The following CTBP2 variants were observed in gnomAD, a reference collection of about 807,000 sequenced individuals.
CTBP2 encodes the protein C-terminal-binding protein 2.
Under a neutral mutation model 80.3 loss-of-function variants are expected in CTBP2, and 30 were observed. The observed-to-expected ratio is 0.37, with a 90% CI of 0.28 to 0.51. The LOEUF (loss-of-function observed/expected upper bound fraction) is 0.51, where lower values mean the gene tolerates loss of function less well. Ranked by LOEUF, CTBP2 falls within the 20% of genes least tolerant of loss-of-function variation. CTBP2 has a pLI of 0.93. For missense variants in CTBP2, 1,212 were observed against 1,375.3 expected (o/e 0.88, Z 1.88); for synonymous variants, 594 against 587.4 (o/e 1.01, Z -0.16).
intron 5 of CTBP2, 44 bp downstream of exon 7, chr10:124,994,425 C>G: frequency 6.3e-7 from 1 of 1,593,014 alleles, no homozygotes; most frequent in East Asian, 2.2e-5. Context: ...GCAAGTGCTA[C>G]CACCTTTCGA....
At chr10:125,161,060 C>T (rs924602580), upstream of CTBP2, 3 of 99,852 alleles carry the variant, frequency 3.0e-5, no homozygotes, top group African/African-American at 1.4e-4. Context: ...CTCCTCGCTC[C>T]TGTTTTTGGG....
chr10:124,993,217 G>A lies in CTBP2; in HGVS notation c.2644C>T (p.Arg882Cys), dbSNP rs763557494. 3.1e-6 allele frequency: 5 copies of A among 1,598,580 alleles called. No individual in the cohort carries two copies. Among genetic ancestry groups the A allele is most frequent in the South Asian group, 1.1e-5 (1 of 90,540 alleles). Residue 882 changes from arginine to cysteine, a missense_variant, in exon 7 of 9, where the codon CGC (arginine) becomes TGC (cysteine). Transcript: ENST00000309035. ...AGGGGCTCACCTGTGATGGCTCGGC[G>A]GATCTCGGTGGCAGCTGCCTCCCTC...
chr10:125,154,318 C>G (rs1415227186), intron 1 of CTBP2, among the ~76,000 whole-genome samples: 1 of 152,180 alleles, frequency 6.6e-6, no homozygotes, highest in Non-Finnish European at 1.5e-5. Context: ...AAAGGCAAGG[C>G]TGGCCACCAC....
intron 2 of CTBP2, among the ~76,000 whole-genome samples, chr10:125,041,504 A>AACCC (rs1959757919): frequency 1.1e-5 from 1 of 91,134 alleles, no homozygotes; most frequent in Non-Finnish European, 2.4e-5. Context: ...GTCCATCCCC[A>AACCC]CCCCCCCCCC....
intron 1 of CTBP2, among the ~76,000 whole-genome samples, chr10:125,112,414 T>C (rs1235443760): frequency 5.1e-5 from 7 of 135,928 alleles, no homozygotes; most frequent in Non-Finnish European, 9.4e-5. Context: ...CGCCCAGCCA[T>C]CATTCTACCT....
At chr10:125,019,641 C>T (rs1253734894) in intron 1 of CTBP2, among the ~76,000 whole-genome samples, 1 of 152,182 alleles carries the variant, frequency 6.6e-6, no homozygotes, top group Non-Finnish European at 1.5e-5. Flanking sequence ...CCCTACCTCA[C>T]ACCATATGCA....
intron 1 of CTBP2, among the ~76,000 whole-genome samples, chr10:125,130,292 C>A (rs989760543): frequency 6.6e-6 from 1 of 152,098 alleles, no homozygotes; most frequent in Non-Finnish European, 1.5e-5. Context: ...AGGTGATCCA[C>A]GCACCTCTGC....
intron 2 of CTBP2, among the ~76,000 whole-genome samples, chr10:125,081,968 C>A (rs1274392336): frequency 1.3e-5 from 2 of 152,030 alleles, no homozygotes; most frequent in Non-Finnish European, 2.9e-5. Context: ...TATCCAAACC[C>A]CAGGCCAGCA....
At chr10:125,141,778 A>C (rs754723187) in intron 1 of CTBP2, among the ~76,000 whole-genome samples, 30 of 152,322 alleles carry the variant, frequency 2.0e-4, no homozygotes, top group Non-Finnish European at 3.4e-4. Context: ...GCAAGCACAC[A>C]GTAAATACAC....
chr10:125,085,642 A>C lies in CTBP2; in HGVS notation c.-102+25348T>G, dbSNP rs115465069. Among the ~76,000 whole-genome samples, 645 of 152,354 alleles carry C rather than the reference A, an allele frequency of 4.2e-3. 4 individuals are homozygous for C. Among genetic ancestry groups the C allele is most frequent in the African/African-American group, 0.014 (586 of 41,582 alleles). The stretch of plus-strand genomic sequence containing the variant: ...GAACTTCCAGCCCAAAGCCTTCAGC[A>C]AATCACTCCATGGGGAAATCTAGTC... On this transcript the variant is annotated intron_variant, in intron 2 of 10. Transcript: ENST00000337195.
intron 2 of CTBP2, among the ~76,000 whole-genome samples, chr10:125,042,298 A>C (rs958590597): frequency 6.6e-6 from 1 of 152,204 alleles, no homozygotes; most frequent in Non-Finnish European, 1.5e-5. Flanking sequence ...AGCTGCACAC[A>C]GCGGCCTCCA....
chr10:125,114,222 C>T (rs868011136), intron 1 of CTBP2, among the ~76,000 whole-genome samples: 9 of 152,166 alleles, frequency 5.9e-5, no homozygotes, highest in Admixed American at 2.0e-4. Context: ...GTGTAACTGC[C>T]GGTCAGCATG....
At chr10:125,075,639 G>T (rs1480552587) in intron 2 of CTBP2, among the ~76,000 whole-genome samples, 1 of 152,178 alleles carries the variant, frequency 6.6e-6, no homozygotes, top group Non-Finnish European at 1.5e-5. Flanking sequence ...GCAATTTTTA[G>T]AACAGGCAAA....
intron 2 of CTBP2, among the ~76,000 whole-genome samples, chr10:125,095,961 C>T (rs1395789338): frequency 1.3e-5 from 2 of 152,146 alleles, no homozygotes; most frequent in East Asian, 3.9e-4. Context: ...TCTTCACCCC[C>T]TCGGCCCTAA....
intron 5 of CTBP2, 125 bp from the exon 8 acceptor site, chr10:124,994,110 G>A (rs1158318533): frequency 3.8e-6 from 5 of 1,330,438 alleles, no homozygotes; most frequent in Non-Finnish European, 3.1e-6. Flanking sequence ...GTGTGCTGCA[G>A]TTTGAGGGAA....
chr10:125,022,951 T>A (rs1455220680), intron 1 of CTBP2, among the ~76,000 whole-genome samples: 1 of 152,310 alleles, frequency 6.6e-6, no homozygotes, highest in Admixed American at 6.5e-5. Context: ...CAGATTCTGA[T>A]AGGGCTAAAA....
chr10:125,038,201 T>G (rs1283671874), intron 3 of CTBP2, among the ~76,000 whole-genome samples: 1 of 152,058 alleles, frequency 6.6e-6, no homozygotes, highest in East Asian at 1.9e-4. Context: ...GGAAGCCCTG[T>G]GGGTTGCATA....
At chr10:125,008,622 CA>C (rs1051255131) in intron 1 of CTBP2, among the ~76,000 whole-genome samples, 3 of 152,350 alleles carry the variant, frequency 2.0e-5, no homozygotes, top group South Asian at 4.1e-4. Flanking sequence ...GCAGGTCTTC[CA>C]AAGATCCCGA....
intron 1 of CTBP2, among the ~76,000 whole-genome samples, chr10:125,151,071 G>T (rs1173017613): frequency 2.0e-5 from 3 of 152,068 alleles, no homozygotes; most frequent in Admixed American, 2.0e-4. Context: ...GCGAGCTAGT[G>T]CCAGACACTA....
Sources: allele counts gnomAD v4.1 joint callset (sites outside exome capture counted in the v4.1 genomes callset), GRCh38; gene constraint gnomAD v4.1.1; transcripts MANE v1.5; gene names NCBI Gene and HGNC (gene_info 2026-07-23, HGNC 2026-07-21).